The following ERBB2 variants were observed in gnomAD, a reference collection of about 807,000 sequenced individuals.
ERBB2 encodes the protein receptor tyrosine-protein kinase erbB-2.
ERBB2 carries 61 observed loss-of-function variants against 149.0 expected under a neutral mutation model. The ratio of observed to expected loss-of-function variants is 0.41; its 90% CI spans 0.33 to 0.51. The LOEUF (loss-of-function observed/expected upper bound fraction) is 0.51, where lower values mean the gene tolerates loss of function less well. ERBB2 is among the 20% of genes least tolerant of loss of function. The pLI, the probability that ERBB2 is intolerant of heterozygous loss-of-function variation, is 0.25. For synonymous variants in ERBB2, 633 were observed against 678.8 expected, an observed-to-expected ratio of 0.93 and a Z score of 1.05; for missense variants, 1,205 against 1,655.1, an observed-to-expected ratio of 0.73 and a Z score of 4.72.
chr17:39,724,915 T>C lies in ERBB2; in HGVS notation c.2493+4T>C, dbSNP rs2145854493. On this transcript the variant is annotated splice_donor_region_variant and intron_variant, in intron 20 of 26. Transcript: ENST00000269571. ...CTGGTGTATGCAGATTGCCAAGGTA[T>C]GCACCTGGGCTCTTTGCAGGTCTCT... is the stretch of plus-strand genomic sequence containing the variant. The C allele has an allele frequency of 6.2e-7, 1 of 1,613,646 alleles. No individual in the cohort carries two copies. The highest frequency in any genetic ancestry group is 8.5e-7 in the Non-Finnish European group (1 of 1,179,596).
intron 4 of ERBB2, 42 bp downstream of exon 4, chr17:39,709,494 C>G (rs1017216297): frequency 1.6e-5 from 26 of 1,609,866 alleles, no homozygotes; most frequent in Non-Finnish European, 2.2e-5. Flanking sequence ...CTCAGACAGC[C>G]TGACCCCAGC....
intron 16 of ERBB2, among the ~76,000 whole-genome samples, chr17:39,720,509 C>T (rs1193191261): frequency 1.3e-5 from 2 of 151,948 alleles, no homozygotes; most frequent in Non-Finnish European, 2.9e-5. Flanking sequence ...CTGTCTTAGG[C>T]GATCATCGGT....
At chr17:39,694,118 C>T (rs1164704830), upstream of ERBB2, among the ~76,000 whole-genome samples, 9 of 138,438 alleles carry the variant, frequency 6.5e-5, no homozygotes, top group South Asian at 4.7e-4. Context: ...CACTCGAATC[C>T]GGGACACGGA....
upstream of ERBB2, among the ~76,000 whole-genome samples, chr17:39,691,964 G>C (rs1567886414): frequency 1.8e-5 from 2 of 111,952 alleles, no homozygotes; most frequent in African/African-American, 7.1e-5. Flanking sequence ...TATATCTCTT[G>C]TGTCTCAGCC....
At chr17:39,698,576 C>G (rs569003671), upstream of ERBB2, among the ~76,000 whole-genome samples, 1 of 151,962 alleles carries the variant, frequency 6.6e-6, no homozygotes, top group South Asian at 2.1e-4. Context: ...AGATTTGAAC[C>G]CAGGTCCTCT....
In ERBB2 at chr17:39,723,887, C is replaced by T. The variant is rs1341798964; in HGVS notation, c.2209-25C>T. The T allele has an allele frequency of 6.3e-7, 1 of 1,591,252 alleles. No individual in the cohort carries two copies. Among genetic ancestry groups the T allele is most frequent in the Admixed American group, 1.7e-5 (1 of 59,966 alleles). ...TAGGATCCAGCCCACGCTCTTCTCA[C>T]TCATATCCTCCTCTTTCTGCCCAGG... On this transcript the variant is annotated intron_variant, in intron 18 of 26. Coordinates refer to ENST00000269571, the MANE Select transcript of ERBB2 (RefSeq NM_004448.4). The surrounding 1 kb of genome is among the most constrained non-coding windows in gnomAD (Gnocchi z 6.2).
Position 39,727,157 on chromosome 17 carries a change from AC to A in ERBB2, c.3160-134del. 1.6e-6 allele frequency: 2 copies of A among 1,254,114 alleles called. No homozygotes were observed. Among genetic ancestry groups the A allele is most frequent in the African/African-American group, 3.0e-5 (2 of 66,316 alleles). The allele number at this position is 1,254,114 out of a possible 1,614,324, so 77.7% of individuals were successfully genotyped here. On this transcript the variant is annotated intron_variant, in intron 25 of 26. Transcript: ENST00000269571. This position sits in a 1 kb window ranked among gnomAD's most constrained non-coding sequence, Gnocchi z 4.3. ...TTCTTACTGCCTTCCAACCCCTGTGACCCCATTCTCTCCACGGTGACTGTGT... is the reference window on the plus strand; with the variant it reads ...TTCTTACTGCCTTCCAACCCCTGTGACCCATTCTCTCCACGGTGACTGTGT...
At chr17:39,722,346 TAAAA>T (rs768952727) in intron 16 of ERBB2, among the ~76,000 whole-genome samples, 4 of 151,760 alleles carry the variant, frequency 2.6e-5, no homozygotes, top group African/African-American at 4.8e-5. Context: ...CTACAAAAAA[TAAAA>T]AAACTAGCTG....
At chr17:39,717,093 T>C in intron 14 of ERBB2, 1 of 494,550 alleles carries the variant, frequency 2.0e-6, no homozygotes, top group Non-Finnish European at 3.6e-6. Context: ...TCTGGGTGCC[T>C]CCCATTTTCT....
In ERBB2 at chr17:39,726,900, A is replaced by G. The variant is rs2143176700; in HGVS notation, c.3056A>G (p.Asp1019Gly). 6.2e-7 allele frequency: 1 copy of G among 1,613,896 alleles called. No homozygotes were observed. ...GACGATGACATGGGGGACCTGGTGG[A>G]TGCTGAGGAGTATCTGGTACCCCAG... ...LEDDDMGDLV[D>G]AEEYLVPQQG... The change falls in exon 25 of 27, where the codon GAT (aspartate) becomes GGT (glycine). Residue 1019 changes from aspartate to glycine, a missense_variant. Transcript: ENST00000269571. The surrounding 1 kb of genome is among the most constrained non-coding windows in gnomAD (Gnocchi z 5.1).
rs1240026948 is a variant in ERBB2 at position 39,706,670 on chromosome 17, A to ACCC, written c.74-320_74-319insCCC. The ACCC allele has an allele frequency of 3.6e-5, 9 of 250,756 alleles. No homozygotes were observed. The South Asian group carries it at 1.6e-3, about 43-fold the overall frequency. The allele number at this position is 250,756 out of a possible 1,614,324, so 15.5% of individuals were successfully genotyped here. A position where few individuals can be genotyped will look rare whatever the true frequency, so the allele number is the denominator to read the frequency against. On this transcript the variant is annotated intron_variant, in intron 1 of 26. Coordinates refer to ENST00000269571, the MANE Select transcript of ERBB2 (RefSeq NM_004448.4). ...TTGCCCTGAGTTGTGCCTTTGGGAC[A>ACCC]AAGGAAGCCTTTCTTTGCCAGCCAA...
intron 7 of ERBB2, among the ~76,000 whole-genome samples, chr17:39,711,195 C>T (rs1175801770): frequency 6.6e-6 from 1 of 150,452 alleles, no homozygotes; most frequent in Non-Finnish European, 1.5e-5. Context: ...CCACTGCACC[C>T]GGACTTTTTT....
rs2143189552 is a variant in ERBB2, at chr17:39,727,006, C to G, written c.3159+3C>G. On this transcript the variant is annotated splice_donor_region_variant and intron_variant, in intron 25 of 26. Coordinates refer to ENST00000269571, the MANE Select transcript of ERBB2 (RefSeq NM_004448.4). This position sits in a 1 kb window ranked among gnomAD's most constrained non-coding sequence, Gnocchi z 4.3. ...GGCACCGCAGCTCATCTACCAGGGT[C>G]AGTGCCCTCGGTCACACTGTGTGGC... The G allele has an allele frequency of 6.3e-7, 1 of 1,588,338 alleles. No homozygotes were observed. Among genetic ancestry groups the G allele is most frequent in the South Asian group, 1.1e-5 (1 of 87,558 alleles).
At chr17:39,704,843 T>C (rs1202018755) in intron 1 of ERBB2, among the ~76,000 whole-genome samples, 1 of 152,078 alleles carries the variant, frequency 6.6e-6, no homozygotes, top group Non-Finnish European at 1.5e-5. Context: ...GTTCTGACCC[T>C]CCAGCCCAAC....
chr17:39,724,155 G>A, intron 19 of ERBB2, 145 bp downstream of exon 19: 1 of 610,542 alleles, frequency 1.6e-6, no homozygotes, highest in Non-Finnish European at 2.8e-6. Flanking sequence ...GTCTTGCTCT[G>A]TCACCCAGGC....
At chr17:39,689,592 G>A (rs546961349) in intron 2 of ERBB2, among the ~76,000 whole-genome samples, 137 of 152,206 alleles carry the variant, frequency 9.0e-4, no homozygotes, top group African/African-American at 3.2e-3. Flanking sequence ...TGACAAAATA[G>A]GGAGTCTCCC....
At position 39,725,417 on chromosome 17, in the gene ERBB2, G is replaced by A. The variant is rs774844012; in HGVS notation, c.2725+15G>A. The A allele has an allele frequency of 6.2e-7, 1 of 1,608,946 alleles. No homozygotes were observed. The highest frequency in any genetic ancestry group is 1.1e-5 in the South Asian group (1 of 90,958). On this transcript the variant is annotated intron_variant, in intron 22 of 26. Transcript: ENST00000269571. This position sits in a 1 kb window ranked among gnomAD's most constrained non-coding sequence, Gnocchi z 4.6. ...GTGGAGTTATGGTGTGTGATGGGGGGTGTTGGGAGGGGTGGGTGAGGAGCC... is the reference window on the plus strand; with the variant it reads ...GTGGAGTTATGGTGTGTGATGGGGGATGTTGGGAGGGGTGGGTGAGGAGCC...
At chr17:39,712,236 C>T (rs2145570171) in intron 8 of ERBB2, 86 bp from the exon 9 acceptor site, 4 of 1,582,158 alleles carry the variant, frequency 2.5e-6, no homozygotes, top group Non-Finnish European at 3.5e-6. Context: ...GGGGAGGGGC[C>T]CGGACCCTGA....
In ERBB2 at chr17:39,726,062, A is replaced by C. The variant is rs1005515501; in HGVS notation, c.2872+209A>C. ...TCTTGTACAAAATTAAGCTGGGCACAGTGGCTCATGCCTGTAATCCCAGTA... is the reference window on the plus strand; with the variant it reads ...TCTTGTACAAAATTAAGCTGGGCACCGTGGCTCATGCCTGTAATCCCAGTA... On this transcript the variant is annotated intron_variant, in intron 23 of 26. Coordinates refer to ENST00000269571, the MANE Select transcript of ERBB2 (RefSeq NM_004448.4). This position sits in a 1 kb window ranked among gnomAD's most constrained non-coding sequence, Gnocchi z 5.1. The C allele has an allele frequency of 3.6e-6, 2 of 556,758 alleles. No individual in the cohort carries two copies. Among genetic ancestry groups the C allele is most frequent in the Non-Finnish European group, 3.1e-6 (1 of 320,872 alleles). The allele number at this position is 556,758 out of a possible 1,614,324, so 34.5% of individuals were successfully genotyped here.
Sources: gnomAD v4.1 joint callset for allele counts (sites outside exome capture counted in the v4.1 genomes callset) on GRCh38, gnomAD v4.1.1 for gene constraint, Gnocchi (gnomAD v3.1) non-coding constraint, MANE v1.5 for transcripts, NCBI Gene and HGNC (gene_info 2026-07-23, HGNC 2026-07-21) for gene names.